Variants in NAP1L4 observed in about 807,000 individuals in gnomAD.
NAP1L4 encodes nucleosome assembly protein 1 like 4.
Under a neutral mutation model 58.2 loss-of-function variants are expected in NAP1L4, and 15 were observed. That is an observed-to-expected ratio of 0.26 (90% confidence interval 0.17 to 0.40). NAP1L4 has a LOEUF of 0.40. Among genes scored for constraint, NAP1L4 ranks in the 10% least tolerant of loss-of-function variants. NAP1L4 has a pLI of 1.00. For synonymous variants in NAP1L4, 171 were observed against 155.6 expected (o/e 1.10, Z -0.74); for missense variants, 384 against 451.1 (o/e 0.85, Z 1.35).
At chr11:2,986,605 C>T (rs185211122) in intron 1 of NAP1L4, among the ~76,000 whole-genome samples, 1 of 148,608 alleles carries the variant, frequency 6.7e-6, no homozygotes, top group African/African-American at 2.5e-5. Context: ...ATATATCCTA[C>T]AAAATTAGGG....
At chr11:2,968,587 A>C (rs1847431180) in intron 7 of NAP1L4, among the ~76,000 whole-genome samples, 1 of 152,204 alleles carries the variant, frequency 6.6e-6, no homozygotes, top group Admixed American at 6.5e-5. Context: ...TAAACAAGGG[A>C]GGTAGCAGAG....
At chr11:2,983,589 C>A (rs1326522555) in intron 1 of NAP1L4, among the ~76,000 whole-genome samples, 5 of 115,014 alleles carry the variant, frequency 4.3e-5, no homozygotes, top group Admixed American at 2.4e-4. Context: ...ACACGGTATT[C>A]TGGAAAAAAA....
At chr11:2,986,200 T>G (rs983850311) in intron 1 of NAP1L4, among the ~76,000 whole-genome samples, 2 of 151,774 alleles carry the variant, frequency 1.3e-5, no homozygotes, top group African/African-American at 4.8e-5. Flanking sequence ...GTGGTGAAAT[T>G]CCATCTCCAT....
rs1012081770 is a variant in NAP1L4 at position 2,948,375 on chromosome 11, C to T, written c.*32+852G>A. On this transcript the variant is annotated intron_variant, in intron 15 of 15. Coordinates refer to ENST00000380542, the MANE Select transcript of NAP1L4 (RefSeq NM_005969.4). This position sits in a 1 kb window ranked among gnomAD's most constrained non-coding sequence, Gnocchi z 5.1. ...CCTTAAAAACGGAGTGCCTACTTAT[C>T]CTGGCATGCAGAGGCCCTGCTATGG... 6.6e-6 allele frequency among the ~76,000 whole-genome samples: 1 copy of T among 152,142 alleles called. No individual in the cohort carries two copies. The highest frequency in any genetic ancestry group is 6.5e-5 in the Admixed American group (1 of 15,274).
intron 5 of NAP1L4, 71 bp downstream of exon 5, chr11:2,972,031 T>C (rs746445413): frequency 1.4e-6 from 2 of 1,413,542 alleles, no homozygotes; most frequent in East Asian, 2.6e-5. Flanking sequence ...CAACTTATAA[T>C]GGGTTTATCG....
intron 7 of NAP1L4, among the ~76,000 whole-genome samples, chr11:2,966,167 C>T (rs1353279523): frequency 6.6e-6 from 1 of 152,136 alleles, no homozygotes; most frequent in Non-Finnish European, 1.5e-5. Context: ...TTTCTTAAAT[C>T]ATTTTTTCTC....
intron 4 of NAP1L4, 29 bp from the exon 5 acceptor site, chr11:2,972,272 C>A (rs773505708): frequency 1.3e-6 from 2 of 1,563,262 alleles, no homozygotes; most frequent in Non-Finnish European, 1.7e-6. Context: ...AATACAACAT[C>A]CTCATGCCTG....
intron 8 of NAP1L4, chr11:2,960,163 C>T (rs1393095896): frequency 2.3e-5 from 9 of 388,826 alleles, no homozygotes; most frequent in South Asian, 3.7e-5. Context: ...CACCAATAGG[C>T]GTCAAGCTCT....
intron 8 of NAP1L4, among the ~76,000 whole-genome samples, chr11:2,960,958 C>T (rs556618665): frequency 1.6e-4 from 25 of 152,298 alleles, no homozygotes; most frequent in South Asian, 1.0e-3. Flanking sequence ...GCGGAAGCTA[C>T]TCAATGTCTC....
At chr11:2,989,993 TTATC>T (rs1848858609) in intron 1 of NAP1L4, 1 of 152,244 alleles carries the variant, frequency 6.6e-6, no homozygotes. Flanking sequence ...TTTACCAAAG[TTATC>T]AAACTTAAAA....
In NAP1L4 at chr11:2,971,378, A is replaced by T. The variant is rs1026585830; in HGVS notation, c.402+70T>A. On this transcript the variant is annotated intron_variant, in intron 6 of 15. Coordinates refer to ENST00000380542, the MANE Select transcript of NAP1L4 (RefSeq NM_005969.4). The surrounding 1 kb of genome is among the most constrained non-coding windows in gnomAD (Gnocchi z 4.2). ...GCACATAAGTTTACTAGTCATTAAA[A>T]ATCATTAAAAAATGCTTATTTTTAA... 5.1e-5 allele frequency: 71 copies of T among 1,395,592 alleles called. No individual in the cohort carries two copies. Among genetic ancestry groups the T allele is most frequent in the Middle Eastern group, 2.4e-4 (1 of 4,160 alleles). 86.5% of individuals were successfully genotyped at this position (1,395,592 alleles called of 1,614,324 possible). A position where few individuals can be genotyped will look rare whatever the true frequency, so the allele number is the denominator to read the frequency against.
chr11:2,971,494 G>C lies in NAP1L4; in HGVS notation c.356C>G (p.Ala119Gly), dbSNP rs1224720704. The change falls in exon 6 of 16, where the codon GCG (alanine) becomes GGG (glycine). Residue 119 changes from alanine (A) to glycine (G), a missense_variant. Physicochemically the swap from Ala to Gly is moderately conservative, Grantham distance 60 (BLOSUM62 0). This residue lies in a region of NAP1L4 where 296 missense variants were observed against 360.8 expected (regional missense o/e 0.82). Coordinates refer to ENST00000380542, the MANE Select transcript of NAP1L4 (RefSeq NM_005969.4). This position sits in a 1 kb window ranked among gnomAD's most constrained non-coding sequence, Gnocchi z 4.2. ...ATTTTCACTGTGCCATTCCGATTCC[G>C]CATCTGTTGGTTCAACATCGCCGGT... ...FITGDVEPTD[A>G]ESEWHSENEE... 15 of 1,613,618 alleles carry C rather than the reference G, an allele frequency of 9.3e-6. No individual in the cohort carries two copies. Among genetic ancestry groups the C allele is most frequent in the East Asian group, 2.2e-5 (1 of 44,872 alleles).
In NAP1L4 at chr11:2,964,736, T is replaced by G. The variant is rs780353454; in HGVS notation, c.550A>C (p.Ile184Leu). ...TTAATATCCTGCAGGTGTTTCAAGA[T>G]TGGTTCATCATATTCCTAATCAAAA... ...SELVQEYDEP[I>L]LKHLQDIKVK... The change falls in exon 8 of 16, where the codon ATC becomes CTC. Residue 184 changes from isoleucine (I) to leucine (L), a missense_variant. Physicochemically the swap from Ile to Leu is conservative, Grantham distance 5. Around this residue, in one of 3 missense-constraint regions of NAP1L4, gnomAD observed 296 missense variants for 360.8 expected, o/e 0.82. Coordinates refer to ENST00000380542, the MANE Select transcript of NAP1L4 (RefSeq NM_005969.4). 6.2e-7 allele frequency: 1 copy of G among 1,613,712 alleles called. No homozygotes were observed. Among genetic ancestry groups the G allele is most frequent in the Non-Finnish European group, 8.5e-7 (1 of 1,179,692 alleles).
At chr11:2,970,529 A>G (rs1847577435) in intron 6 of NAP1L4, among the ~76,000 whole-genome samples, 1 of 152,178 alleles carries the variant, frequency 6.6e-6, no homozygotes, top group Admixed American at 6.5e-5. Flanking sequence ...GACACCACGC[A>G]AGCATCAGAA....
At chr11:2,961,084 G>A (rs926710643) in intron 8 of NAP1L4, among the ~76,000 whole-genome samples, 1 of 151,940 alleles carries the variant, frequency 6.6e-6, no homozygotes, top group African/African-American at 2.4e-5. Flanking sequence ...CTGGCTAAAT[G>A]TCAGCTGTTT....
In NAP1L4 at chr11:2,975,947, G is replaced by C. The variant is rs1847929104; in HGVS notation, c.173+77C>G. On this transcript the variant is annotated intron_variant, in intron 4 of 15. Transcript: ENST00000380542. ...AAAAAACATTTAATCCTGTTCTGGG[G>C]AACTGAAAAGTGGTTTTTCCTTTAT... 3 of 1,237,718 alleles carry C rather than the reference G, an allele frequency of 2.4e-6. No homozygotes were observed. In the South Asian group the frequency reaches 4.1e-5, roughly 17 times the overall value. The allele number at this position is 1,237,718 out of a possible 1,614,324, so 76.7% of individuals were successfully genotyped here.
rs1458027843 is a variant in NAP1L4 at position 2,955,299 on chromosome 11, T to C, written c.915+445A>G. ...GCAACCTCCTCCTCTCGGGTTCAAG[T>C]GATTCTCCTGCTTGAGCCTCCTGAG... On this transcript the variant is annotated intron_variant, in intron 11 of 15. Coordinates refer to ENST00000380542, the MANE Select transcript of NAP1L4 (RefSeq NM_005969.4). The surrounding 1 kb of genome is among the most constrained non-coding windows in gnomAD (Gnocchi z 4.2). 6.6e-6 allele frequency among the ~76,000 whole-genome samples: 1 copy of C among 152,072 alleles called. No individual in the cohort carries two copies. Among genetic ancestry groups the C allele is most frequent in the Non-Finnish European group, 1.5e-5 (1 of 68,008 alleles).
chr11:2,971,673 G>C lies in NAP1L4; in HGVS notation c.316-139C>G. On this transcript the variant is annotated intron_variant, in intron 5 of 15. Coordinates refer to ENST00000380542, the MANE Select transcript of NAP1L4 (RefSeq NM_005969.4). The surrounding 1 kb of genome is among the most constrained non-coding windows in gnomAD (Gnocchi z 4.2). Reference sequence around the variant, plus strand: ...ACTTATTTTAAGATTCTAAATTTTAGGGTTCAAAGAAAAATATTAAATGAT... The same window carrying C: ...ACTTATTTTAAGATTCTAAATTTTACGGTTCAAAGAAAAATATTAAATGAT... The C allele has an allele frequency of 2.8e-6, 2 of 709,168 alleles. No individual in the cohort carries two copies. Among genetic ancestry groups the C allele is most frequent in the Non-Finnish European group, 4.5e-6 (2 of 444,838 alleles). The allele number at this position is 709,168 out of a possible 1,614,324, so 43.9% of individuals were successfully genotyped here.
At chr11:2,983,561 G>T (rs1382721655) in intron 1 of NAP1L4, among the ~76,000 whole-genome samples, 2 of 149,704 alleles carry the variant, frequency 1.3e-5, no homozygotes, top group Non-Finnish European at 3.0e-5. Flanking sequence ...AGATGACAAG[G>T]CAGTTAAGTT....
Sources: gnomAD v4.1 joint callset for allele counts (sites outside exome capture counted in the v4.1 genomes callset) on GRCh38, gnomAD v4.1.1 for gene constraint, gnomAD v4.1.1 regional missense constraint, Gnocchi (gnomAD v3.1) non-coding constraint, MANE v1.5 for transcripts, NCBI Gene and HGNC (gene_info 2026-07-23, HGNC 2026-07-21) for gene names.